The following RDH11 variants were observed in gnomAD, a reference collection of about 807,000 sequenced individuals.
RDH11 encodes the protein HCV core-binding protein HCBP12.
In RDH11, 19 loss-of-function variants were observed where a neutral mutation model predicts 33.4. The observed-to-expected ratio is 0.57, with a 90% confidence interval of 0.40 to 0.83. RDH11 has a LOEUF of 0.83. Among genes scored for constraint, RDH11 ranks in the 40% least tolerant of loss-of-function variants. The pLI is 0.00. For synonymous variants in RDH11, 154 were observed against 155.3 expected (o/e 0.99, Z 0.06); for missense variants, 353 against 389.0 (o/e 0.91, Z 0.78).
At chr14:67,681,014 T>C (rs1594847524) in intron 6 of RDH11, among the ~76,000 whole-genome samples, 1 of 152,258 alleles carries the variant, frequency 6.6e-6, no homozygotes, top group Non-Finnish European at 1.5e-5. Context: ...ACTCCAATTG[T>C]GTTCCCCCAA....
chr14:67,684,268 G>A (rs2037649067), intron 6 of RDH11, among the ~76,000 whole-genome samples: 1 of 152,004 alleles, frequency 6.6e-6, no homozygotes, highest in African/African-American at 2.4e-5. Flanking sequence ...AAAATTTCAG[G>A]TCATTTCAAC....
chr14:67,679,796 T>C (rs1413078706), intron 6 of RDH11, among the ~76,000 whole-genome samples: 1 of 152,220 alleles, frequency 6.6e-6, no homozygotes, highest in African/African-American at 2.4e-5. Flanking sequence ...GGATCTGGTA[T>C]ACATCTGGTA....
At chr14:67,691,290 AT>A in intron 3 of RDH11, 46 bp from the exon 4 acceptor site, 1 of 1,363,606 alleles carries the variant, frequency 7.3e-7, no homozygotes. Context: ...AGCCAAGGCT[AT>A]TACATCTTAG....
intron 5 of RDH11, among the ~76,000 whole-genome samples, chr14:67,688,689 C>T (rs1473764613): frequency 2.6e-5 from 4 of 151,106 alleles, no homozygotes; most frequent in Admixed American, 6.6e-5. Context: ...CCGGTTTTGG[C>T]CTCCTAAAGT....
chr14:67,689,743 A>C (rs924625642), intron 5 of RDH11, among the ~76,000 whole-genome samples: 11 of 152,180 alleles, frequency 7.2e-5, no homozygotes, highest in African/African-American at 2.4e-4. Context: ...CACGAGTTCA[A>C]GACCACCCTG....
At chr14:67,694,487 CACAT>C (rs778557588) in intron 1 of RDH11, among the ~76,000 whole-genome samples, 7 of 146,112 alleles carry the variant, frequency 4.8e-5, no homozygotes, top group African/African-American at 1.3e-4. Flanking sequence ...TACACACACA[CACAT>C]ATATATATAT....
chr14:67,683,899 C>T (rs1482312872), intron 6 of RDH11, among the ~76,000 whole-genome samples: 1 of 152,214 alleles, frequency 6.6e-6, no homozygotes, highest in African/African-American at 2.4e-5. Flanking sequence ...CCCTAAGTTC[C>T]ACACATTACT....
intron 5 of RDH11, among the ~76,000 whole-genome samples, chr14:67,689,866 C>A (rs529529244): frequency 1.3e-5 from 2 of 152,142 alleles, no homozygotes; most frequent in Admixed American, 1.3e-4. Flanking sequence ...ATCACTTGAA[C>A]CTGGGAAGTG....
chr14:67,683,630 T>C (rs1476809181), intron 6 of RDH11, among the ~76,000 whole-genome samples: 2 of 152,178 alleles, frequency 1.3e-5, no homozygotes, highest in East Asian at 3.8e-4. Flanking sequence ...AATGAAGGGA[T>C]AGGAGGAAGG....
chr14:67,695,758 A>G lies in RDH11; in HGVS notation c.-55T>C. ...GATGCTCCAGCGTTGCTCGCCGACT[A>G]TGGCTTCTCTTTCTAGACACGCCCC... On this transcript the variant is annotated 5_prime_UTR_variant, in exon 1 of 7. Transcript: ENST00000381346. 4 of 1,543,840 alleles carry G rather than the reference A, an allele frequency of 2.6e-6. No homozygotes were observed. Among genetic ancestry groups the G allele is most frequent in the South Asian group, 1.1e-5 (1 of 88,802 alleles).
chr14:67,684,392 G>T (rs1213424980), intron 6 of RDH11: 5 of 152,168 alleles, frequency 3.3e-5, no homozygotes, highest in Non-Finnish European at 7.3e-5. Flanking sequence ...AGAGAATGGG[G>T]ATAGGGCAGA....
intron 5 of RDH11, 47 bp from the exon 6 acceptor site, chr14:67,685,251 G>A (rs1448248744): frequency 6.6e-7 from 1 of 1,523,988 alleles, no homozygotes; most frequent in Admixed American, 1.9e-5. Flanking sequence ...ACTTGATTTT[G>A]CAGAATAGCC....
chr14:67,685,274 G>T, intron 5 of RDH11, 70 bp from the exon 6 acceptor site: 1 of 1,296,568 alleles, frequency 7.7e-7, no homozygotes, highest in South Asian at 1.4e-5. Context: ...AAACAGAAAA[G>T]GATGTAAATA....
chr14:67,681,502 G>A (rs1457644462), intron 6 of RDH11, among the ~76,000 whole-genome samples: 2 of 152,216 alleles, frequency 1.3e-5, no homozygotes, highest in Admixed American at 6.5e-5. Flanking sequence ...TTAGTTCAAG[G>A]CCGGGTGTGG....
Position 67,685,164 on chromosome 14 carries a change from G to C in RDH11, c.705C>G (p.Val235=), listed in dbSNP as rs569806559. 1.2e-6 allele frequency: 2 copies of C among 1,614,166 alleles called. No homozygotes were observed. The highest frequency in any genetic ancestry group is 1.1e-5 in the South Asian group (1 of 91,076). Residue 235 remains valine (V), a synonymous_variant, in exon 6 of 7, where the codon GTC becomes GTG. Coordinates refer to ENST00000381346, the MANE Select transcript of RDH11 (RefSeq NM_016026.4). ...VTTYSVHPGT[V]QSELVRHSSF... ...ATGAGTGCCGAACCAGTTCAGATTG[G>C]ACTGTGCCAGGGTGTACAGAATACG...
At position 67,690,069 on chromosome 14, in the gene RDH11, A is replaced by G. The variant is rs377518157; in HGVS notation, c.664+143T>C. 44 of 666,534 alleles carry G rather than the reference A, an allele frequency of 6.6e-5. No homozygotes were observed. In the Middle Eastern group the frequency reaches 1.3e-3, roughly 19 times the overall value. The allele number at this position is 666,534 out of a possible 1,614,324, so 41.3% of individuals were successfully genotyped here. ...AGCCACCTCCAATATTCAGTTGTAG[A>G]CTACTTACTAAAACTGTACCCAATT... On this transcript the variant is annotated intron_variant, in intron 5 of 6. Coordinates refer to ENST00000381346, the MANE Select transcript of RDH11 (RefSeq NM_016026.4).
At chr14:67,682,997 T>A (rs1385423961) in intron 6 of RDH11, among the ~76,000 whole-genome samples, 1 of 152,208 alleles carries the variant, frequency 6.6e-6, no homozygotes, top group Non-Finnish European at 1.5e-5. Context: ...ACATACCATA[T>A]GATTCCATTT....
intron 6 of RDH11, among the ~76,000 whole-genome samples, chr14:67,680,679 G>T (rs1452670554): frequency 1.3e-5 from 2 of 152,114 alleles, no homozygotes; most frequent in Non-Finnish European, 2.9e-5. Flanking sequence ...GGCTGGTCTT[G>T]AACTCCTGGG....
At chr14:67,682,515 C>A (rs1264838462) in intron 6 of RDH11, among the ~76,000 whole-genome samples, 2 of 152,154 alleles carry the variant, frequency 1.3e-5, no homozygotes, top group East Asian at 3.8e-4. Context: ...TGTTCAACAT[C>A]ATTAGTAGGA....
Sources: allele counts gnomAD v4.1 joint callset (sites outside exome capture counted in the v4.1 genomes callset), GRCh38; gene constraint gnomAD v4.1.1; transcripts MANE v1.5; gene names NCBI Gene and HGNC (gene_info 2026-07-23, HGNC 2026-07-21).